MYLK4: variants seen among roughly 807,000 people sequenced by gnomAD.
MYLK4 encodes caMLCK like.
Under a neutral mutation model 48.1 loss-of-function variants are expected in MYLK4, and 46 were observed. That is an observed-to-expected ratio of 0.96 (90% confidence interval 0.75 to 1.22). The LOEUF (loss-of-function observed/expected upper bound fraction) is 1.22, where lower values mean the gene tolerates loss of function less well. Ranked by LOEUF, MYLK4 falls within the 50% of genes most tolerant of loss-of-function variation. The pLI is 0.00. For synonymous variants in MYLK4, 170 were observed against 180.8 expected (o/e 0.94, Z 0.48); for missense variants, 451 against 486.1 (o/e 0.93, Z 0.68).
intron 12 of MYLK4, among the ~76,000 whole-genome samples, chr6:2,668,968 T>G (rs1561825424): frequency 6.6e-6 from 1 of 151,884 alleles, no homozygotes; most frequent in East Asian, 1.9e-4. Context: ...CTCAGGAGGC[T>G]GAGGTAGGAG....
chr6:2,744,078 C>G (rs915044017), intron 2 of MYLK4: 3 of 398,760 alleles, frequency 7.5e-6, no homozygotes, highest in Non-Finnish European at 1.3e-5. Flanking sequence ...TTATATGTTC[C>G]TTCCCTGCCC....
At chr6:2,704,822 T>C (rs894331522) in intron 2 of MYLK4, among the ~76,000 whole-genome samples, 54 of 152,364 alleles carry the variant, frequency 3.5e-4, no homozygotes, top group Middle Eastern at 6.8e-3. Flanking sequence ...TGCTAAATAA[T>C]GTCTTTGCAT....
At position 2,726,339 on chromosome 6, in the gene MYLK4, G is replaced by A. The variant is rs375318993; in HGVS notation, c.159+22797C>T. 1.4e-4 allele frequency among the ~76,000 whole-genome samples: 22 copies of A among 152,320 alleles called. 1 individual carries two copies. The highest frequency in any genetic ancestry group is 1.1e-3 in the Admixed American group (17 of 15,306). On this transcript the variant is annotated intron_variant, in intron 2 of 12. Coordinates refer to ENST00000274643, the MANE Select transcript of MYLK4 (RefSeq NM_001012418.5). ...GAAGGAGCCCAGGGCCAGCAGAGTC[G>A]TAGCCATTTTGCCAGGAAGTAGCTT... is the stretch of plus-strand genomic sequence containing the variant.
the MYLK4 span, chr6:2,765,870 C>A: frequency 6.9e-7 from 1 of 1,445,286 alleles, no homozygotes; most frequent in Non-Finnish European, 9.1e-7. Flanking sequence ...CTGAAGCAGC[C>A]AGCCACCCCG....
At chr6:2,763,516 C>CT in the MYLK4 span, among the ~76,000 whole-genome samples, 2 of 152,238 alleles carry the variant, frequency 1.3e-5, no homozygotes, top group East Asian at 3.9e-4. Context: ...GTCCCAAGTG[C>CT]TAAGCTCCTC....
At chr6:2,766,147 C>A in the MYLK4 span, 3 of 1,326,948 alleles carry the variant, frequency 2.3e-6, no homozygotes, top group South Asian at 2.2e-5. Flanking sequence ...GCGATGGCGA[C>A]GGGGACGCGG....
chr6:2,686,692 C>T (rs1035667386), intron 4 of MYLK4, among the ~76,000 whole-genome samples: 5 of 152,166 alleles, frequency 3.3e-5, no homozygotes, highest in Admixed American at 1.3e-4. Context: ...CACTGGCGGC[C>T]GCTGCATCCT....
At chr6:2,684,115 C>T (rs917993888) in intron 6 of MYLK4, among the ~76,000 whole-genome samples, 6 of 152,130 alleles carry the variant, frequency 3.9e-5, no homozygotes, top group African/African-American at 1.4e-4. Flanking sequence ...TATAACAACA[C>T]GCCAGCTGCA....
the MYLK4 span, among the ~76,000 whole-genome samples, chr6:2,763,865 G>A: frequency 6.6e-6 from 1 of 151,754 alleles, no homozygotes; most frequent in Admixed American, 6.6e-5. Context: ...AAAAGCTCAC[G>A]GTCGGGCGCA....
intron 2 of MYLK4, among the ~76,000 whole-genome samples, chr6:2,725,852 G>A (rs751647773): frequency 1.3e-5 from 2 of 152,342 alleles, no homozygotes; most frequent in South Asian, 2.1e-4. Flanking sequence ...GGAGGGACAC[G>A]TGAGTGCCTC....
chr6:2,748,316 C>G, intron 2 of MYLK4, among the ~76,000 whole-genome samples: 1 of 152,138 alleles, frequency 6.6e-6, no homozygotes, highest in Non-Finnish European at 1.5e-5. Flanking sequence ...GTTTCCCAAC[C>G]TTAAGGAGCC....
chr6:2,687,242 A>C lies in MYLK4; in HGVS notation c.341+1609T>G, dbSNP rs922984678. On this transcript the variant is annotated intron_variant, in intron 4 of 12. Coordinates refer to ENST00000274643, the MANE Select transcript of MYLK4 (RefSeq NM_001012418.5). ...GTTGCTACATCTTGAACCTGCTACC[A>C]CTTAAAAGGAGGTGCAGCACTTGGT... Among the ~76,000 whole-genome samples, 8 of 152,292 alleles carry C rather than the reference A, an allele frequency of 5.3e-5. No homozygotes were observed. In the South Asian group the frequency reaches 1.5e-3, roughly 28 times the overall value.
At position 2,685,021 on chromosome 6, in the gene MYLK4, G is replaced by A. The variant is rs1171025776; in HGVS notation, c.545+275C>T. ...AAACCACTTTCCTCCAGGTTGCCCT[G>A]GCTAATATTTAAGCTTGATTTTTGA... On this transcript the variant is annotated intron_variant, in intron 6 of 12. Coordinates refer to ENST00000274643, the MANE Select transcript of MYLK4 (RefSeq NM_001012418.5). The surrounding 1 kb of genome is among the most constrained non-coding windows in gnomAD (Gnocchi z 4.5). 6.6e-6 allele frequency among the ~76,000 whole-genome samples: 1 copy of A among 152,152 alleles called. No homozygotes were observed. Among genetic ancestry groups the A allele is most frequent in the Non-Finnish European group, 1.5e-5 (1 of 68,046 alleles).
chr6:2,740,422 A>T (rs368774884), intron 2 of MYLK4, among the ~76,000 whole-genome samples: 1 of 152,226 alleles, frequency 6.6e-6, no homozygotes, highest in East Asian at 1.9e-4. Flanking sequence ...TATGCAACTG[A>T]AAATGCCAGG....
chr6:2,669,975 C>G (rs183705071), intron 12 of MYLK4, among the ~76,000 whole-genome samples: 1 of 152,214 alleles, frequency 6.6e-6, no homozygotes, highest in Non-Finnish European at 1.5e-5. Context: ...TCTACCCCAT[C>G]TTATTCCACA....
At chr6:2,715,645 C>A (rs1394696844) in intron 2 of MYLK4, among the ~76,000 whole-genome samples, 2 of 152,168 alleles carry the variant, frequency 1.3e-5, no homozygotes, top group Non-Finnish European at 2.9e-5. Context: ...TCAAAGTTGA[C>A]TTCCAAGAAT....
chr6:2,744,091 A>T (rs889914315), intron 2 of MYLK4: 1 of 398,256 alleles, frequency 2.5e-6, no homozygotes, highest in Non-Finnish European at 4.4e-6. Context: ...CCCTGCCCTG[A>T]TCTAGCACCA....
At chr6:2,743,170 C>G (rs913441167) in intron 2 of MYLK4, among the ~76,000 whole-genome samples, 2 of 152,076 alleles carry the variant, frequency 1.3e-5, no homozygotes, top group African/African-American at 4.8e-5. Flanking sequence ...ATAATGAAAA[C>G]AAGGCTGAGA....
At chr6:2,683,800 A>T (rs1185275455) in intron 6 of MYLK4, among the ~76,000 whole-genome samples, 1 of 151,990 alleles carries the variant, frequency 6.6e-6, no homozygotes, top group Non-Finnish European at 1.5e-5. Context: ...GAGAAAGAGG[A>T]TCCTAAGAAC....
Sources: allele counts gnomAD v4.1 joint callset (sites outside exome capture counted in the v4.1 genomes callset), GRCh38; gene constraint gnomAD v4.1.1; non-coding constraint Gnocchi (gnomAD v3.1); transcripts MANE v1.5; gene names NCBI Gene and HGNC (gene_info 2026-07-23, HGNC 2026-07-21).